FSTL4: variants seen among roughly 807,000 people sequenced by gnomAD.
FSTL4 encodes follistatin-related protein 4.
A neutral mutation model predicts 78.2 loss-of-function variants in FSTL4; 28 were observed. That is an observed-to-expected ratio of 0.36 (90% CI 0.27 to 0.49). The LOEUF (loss-of-function observed/expected upper bound fraction) is 0.49. Among genes scored for constraint, FSTL4 ranks in the 20% least tolerant of loss-of-function variants. The pLI, the probability that FSTL4 is intolerant of heterozygous loss-of-function variation, is 0.98. For synonymous variants in FSTL4, 422 were observed against 440.5 expected (o/e 0.96, Z 0.53); for missense variants, 922 against 1,084.9 (o/e 0.85, Z 2.11).
intron 3 of FSTL4, among the ~76,000 whole-genome samples, chr5:133,529,818 A>G (rs1187664857): frequency 6.6e-6 from 1 of 151,828 alleles, no homozygotes; most frequent in Non-Finnish European, 1.5e-5. Context: ...TCATCTGTGT[A>G]ATATTTATTT....
At chr5:133,517,093 C>G (rs1758867404) in intron 3 of FSTL4, among the ~76,000 whole-genome samples, 2 of 150,046 alleles carry the variant, frequency 1.3e-5, no homozygotes, top group African/African-American at 4.9e-5. Flanking sequence ...AAAAAATCGG[C>G]CTTATAGCAA....
chr5:133,418,980 A>G (rs1490154365), intron 3 of FSTL4, among the ~76,000 whole-genome samples: 2 of 152,164 alleles, frequency 1.3e-5, no homozygotes, highest in African/African-American at 2.4e-5. Context: ...TTTTATATAA[A>G]TGGGATCACG....
At chr5:133,802,067 TCA>T in the FSTL4 span, among the ~76,000 whole-genome samples, 1 of 152,196 alleles carries the variant, frequency 6.6e-6, no homozygotes, top group Non-Finnish European at 1.5e-5. Flanking sequence ...TGCCTCTCCT[TCA>T]GAGCACTTAG....
chr5:133,632,734 G>C, the FSTL4 span, among the ~76,000 whole-genome samples: 2 of 152,100 alleles, frequency 1.3e-5, no homozygotes, highest in African/African-American at 4.8e-5. Flanking sequence ...TGCCCAGCCT[G>C]GGGTGCAGTG....
At chr5:133,375,311 T>TATATATAA (rs1298027325) in intron 4 of FSTL4, among the ~76,000 whole-genome samples, 1 of 138,462 alleles carries the variant, frequency 7.2e-6, no homozygotes, top group Admixed American at 7.7e-5. Flanking sequence ...TATATATATA[T>TATATATAA]AAAAGACTCT....
chr5:133,577,775 G>A (rs1760315651), intron 2 of FSTL4, among the ~76,000 whole-genome samples: 1 of 152,152 alleles, frequency 6.6e-6, no homozygotes, highest in Non-Finnish European at 1.5e-5. Flanking sequence ...GCATGGTGGT[G>A]CCTACCTGTA....
rs1236614910 is a variant in FSTL4 at position 133,361,126 on chromosome 5, G to C, written c.409+39612C>G. On this transcript the variant is annotated intron_variant, in intron 4 of 15. Transcript: ENST00000265342. This position sits in a 1 kb window ranked among gnomAD's most constrained non-coding sequence, Gnocchi z 4.3. Reference sequence around the variant, plus strand: ...GGAGAACATCAGATTAACTTTTTCTGAGCCCTTGAAGCCGAGAGCAAGTCT... The same window carrying C: ...GGAGAACATCAGATTAACTTTTTCTCAGCCCTTGAAGCCGAGAGCAAGTCT... 6.6e-6 allele frequency among the ~76,000 whole-genome samples: 1 copy of C among 152,100 alleles called. No homozygotes were observed. Among genetic ancestry groups the C allele is most frequent in the Non-Finnish European group, 1.5e-5 (1 of 68,020 alleles).
chr5:133,735,786 G>C, the FSTL4 span, among the ~76,000 whole-genome samples: 1 of 152,134 alleles, frequency 6.6e-6, no homozygotes, highest in Non-Finnish European at 1.5e-5. Flanking sequence ...CCCTCCATTT[G>C]TATGGTCCTA....
intron 3 of FSTL4, among the ~76,000 whole-genome samples, chr5:133,557,739 C>T (rs1188123124): frequency 6.6e-6 from 1 of 152,214 alleles, no homozygotes; most frequent in African/African-American, 2.4e-5. Context: ...CAGGTCCTTA[C>T]ACTCCATATC....
intron 3 of FSTL4, among the ~76,000 whole-genome samples, chr5:133,564,802 T>A (rs571419627): frequency 3.3e-5 from 5 of 152,092 alleles, no homozygotes; most frequent in African/African-American, 1.2e-4. Flanking sequence ...AGAGGACAGG[T>A]TTAAGGCACA....
At chr5:133,541,025 C>A (rs1759460635) in intron 3 of FSTL4, among the ~76,000 whole-genome samples, 1 of 152,130 alleles carries the variant, frequency 6.6e-6, no homozygotes, top group African/African-American at 2.4e-5. Flanking sequence ...AGTCTCAATG[C>A]CTCCTGCCAC....
chr5:133,618,953 T>C, the FSTL4 span, among the ~76,000 whole-genome samples: 1 of 152,252 alleles, frequency 6.6e-6, no homozygotes, highest in Non-Finnish European at 1.5e-5. Flanking sequence ...AAACATGTAG[T>C]CTAAGAAATT....
intron 3 of FSTL4, among the ~76,000 whole-genome samples, chr5:133,471,890 T>C (rs73283626): frequency 0.022 from 3,401 of 152,288 alleles, 128 homozygotes; most frequent in African/African-American, 0.077. Context: ...CCCCTTGCTC[T>C]AGAGGGGGCC....
At chr5:133,602,969 G>T (rs867236500) in intron 2 of FSTL4, among the ~76,000 whole-genome samples, 1 of 151,966 alleles carries the variant, frequency 6.6e-6, no homozygotes, top group Non-Finnish European at 1.5e-5. Context: ...TTCTCATTCC[G>T]CAGGACAGGA....
chr5:133,722,439 G>A, the FSTL4 span, among the ~76,000 whole-genome samples: 1 of 152,090 alleles, frequency 6.6e-6, no homozygotes, highest in African/African-American at 2.4e-5. Flanking sequence ...CGTGATTTCT[G>A]TTTGGTTCTT....
chr5:133,399,578 C>T (rs532130642), intron 4 of FSTL4, among the ~76,000 whole-genome samples: 3 of 152,310 alleles, frequency 2.0e-5, no homozygotes, highest in African/African-American at 7.2e-5. Context: ...AATCCGCCTC[C>T]GCTCAGGTGT....
chr5:133,310,855 G>A (rs1753761592), intron 6 of FSTL4, among the ~76,000 whole-genome samples: 1 of 152,138 alleles, frequency 6.6e-6, no homozygotes, highest in South Asian at 2.1e-4. Context: ...CCTGTAACCT[G>A]CCCTAGCTGC....
intron 3 of FSTL4, among the ~76,000 whole-genome samples, chr5:133,478,580 C>T (rs907952957): frequency 2.0e-5 from 3 of 152,174 alleles, no homozygotes; most frequent in African/African-American, 2.4e-5. Flanking sequence ...CCATTGATCC[C>T]CTGAGTCAAG....
At chr5:133,261,398 C>T (rs1752516673) in intron 6 of FSTL4, among the ~76,000 whole-genome samples, 2 of 152,058 alleles carry the variant, frequency 1.3e-5, no homozygotes, top group Admixed American at 6.5e-5. Flanking sequence ...CTAAGACATC[C>T]CCCAAATGGA....
Sources: gnomAD v4.1 joint callset for allele counts (sites outside exome capture counted in the v4.1 genomes callset) on GRCh38, gnomAD v4.1.1 for gene constraint, Gnocchi (gnomAD v3.1) non-coding constraint, MANE v1.5 for transcripts, NCBI Gene and HGNC (gene_info 2026-07-23, HGNC 2026-07-21) for gene names.